MID1: variants seen among roughly 807,000 people sequenced by gnomAD.
The protein encoded by MID1 is E3 ubiquitin-protein ligase Midline-1.
In MID1, 7 loss-of-function variants were observed where a neutral mutation model predicts 40.4. That is an observed-to-expected ratio of 0.17 (90% CI 0.10 to 0.33). The LOEUF (loss-of-function observed/expected upper bound fraction) is 0.33. Among genes scored for constraint, MID1 ranks in the 10% least tolerant of loss-of-function variants. The pLI is 1.00. For synonymous variants in MID1, 229 were observed against 221.2 expected (o/e 1.04, Z -0.31); for missense variants, 367 against 558.5 (o/e 0.66, Z 3.46).
intron 1 of MID1, among the ~76,000 whole-genome samples, chrX:10,730,465 T>C (rs1366214782): frequency 9.0e-6 from 1 of 111,546 alleles, no homozygotes; most frequent in East Asian, 2.8e-4. Context: ...TTTGGATATA[T>C]TGTGTAGTGG....
rs1293660207 is a variant in MID1 at position 10,468,212 on chromosome X, T to C, written c.1285+1485A>G. The stretch of plus-strand genomic sequence containing the variant: ...CTTCCACGGCAGGCCAATTATAGGG[T>C]AGAAGGTGAGGGAGTTGAGGAGAGG... On this transcript the variant is annotated intron_variant, in intron 7 of 9. Coordinates refer to ENST00000317552, the MANE Select transcript of MID1 (RefSeq NM_000381.4). Among the ~76,000 whole-genome samples the C allele has an allele frequency of 2.7e-5, 3 of 111,332 alleles. No individual in the cohort carries two copies. The Admixed American group carries it at 2.9e-4, about 11-fold the overall frequency.
intron 3 of MID1, chrX:10,506,500 G>A (rs1197890114): frequency 3.8e-6 from 2 of 524,361 alleles, no homozygotes; most frequent in Non-Finnish European, 3.4e-6. Flanking sequence ...TAGGGAAGAA[G>A]CAGAGTATTT....
intron 1 of MID1, among the ~76,000 whole-genome samples, chrX:10,741,693 G>A (rs896411081): frequency 9.1e-6 from 1 of 109,614 alleles, no homozygotes; most frequent in African/African-American, 3.3e-5. Flanking sequence ...TGTTGGGGAC[G>A]GGGAAACATT....
rs727504015 is a variant in MID1 at position 10,567,449 on chromosome X, G to A, written c.99C>T (p.Cys33=). 130 of 1,209,634 alleles carry A rather than the reference G, an allele frequency of 1.1e-4. No individual in the cohort carries two copies. The highest frequency in any genetic ancestry group is 2.3e-4 in the Middle Eastern group (1 of 4,375). The change falls in exon 2 of 10, where the codon TGC becomes TGT. Residue 33 remains cysteine (C), a synonymous_variant. Coordinates refer to ENST00000317552, the MANE Select transcript of MID1 (RefSeq NM_000381.4). ...LPCAHSLCFN[C]AHRILVSHCA... Reference sequence around the variant, plus strand: ...AGTGTGATACTAGGATGCGGTGGGCGCAGTTGAAGCAGAGGCTGTGTGCGC... The same window carrying A: ...AGTGTGATACTAGGATGCGGTGGGCACAGTTGAAGCAGAGGCTGTGTGCGC...
At chrX:10,636,060 G>C (rs976535486) in intron 1 of MID1, among the ~76,000 whole-genome samples, 2 of 112,317 alleles carry the variant, frequency 1.8e-5, no homozygotes, top group African/African-American at 6.5e-5. Flanking sequence ...AGAGAGAAAG[G>C]AGAAAGGCAA....
intron 1 of MID1, among the ~76,000 whole-genome samples, chrX:10,767,756 T>G (rs1043166700): frequency 8.9e-6 from 1 of 112,292 alleles, no homozygotes; most frequent in Non-Finnish European, 1.9e-5. Flanking sequence ...TATGAATATT[T>G]AAAACATTTA....
chrX:10,596,166 T>G (rs978506244), intron 1 of MID1, among the ~76,000 whole-genome samples: 3 of 112,018 alleles, frequency 2.7e-5, no homozygotes, highest in Non-Finnish European at 5.6e-5. Flanking sequence ...CAGGAGCTAT[T>G]CAGAAATTTC....
chrX:10,475,840 C>T (rs1422179730), intron 5 of MID1, among the ~76,000 whole-genome samples: 1 of 111,786 alleles, frequency 8.9e-6, no homozygotes, highest in East Asian at 2.8e-4. Flanking sequence ...TAGCTGGCAG[C>T]AGCAAGGAGG....
intron 1 of MID1, among the ~76,000 whole-genome samples, chrX:10,745,694 G>A (rs978166061): frequency 3.6e-5 from 4 of 112,488 alleles, no homozygotes; most frequent in African/African-American, 1.3e-4. Context: ...TGGTAAAAAT[G>A]GAGTTTTCCA....
intron 1 of MID1, among the ~76,000 whole-genome samples, chrX:10,734,860 C>T (rs1183499039): frequency 8.9e-6 from 1 of 111,923 alleles, no homozygotes; most frequent in Non-Finnish European, 1.9e-5. Flanking sequence ...CACTTAGGAT[C>T]TGTGCATTTC....
intron 7 of MID1, 151 bp from the exon 8 acceptor site, chrX:10,459,958 A>G: frequency 1.7e-6 from 1 of 591,221 alleles, no homozygotes; most frequent in Non-Finnish European, 2.8e-6. Context: ...TGACTTCACT[A>G]ACGTAGATGT....
At chrX:10,826,273 A>G (rs2044216391) in intron 1 of MID1, among the ~76,000 whole-genome samples, 1 of 111,165 alleles carries the variant, frequency 9.0e-6, no homozygotes, top group Non-Finnish European at 1.9e-5. Context: ...TCTCTAAAAT[A>G]GAAATGAAAT....
chrX:10,503,989 T>C (rs1208601781), intron 3 of MID1, among the ~76,000 whole-genome samples: 3 of 112,288 alleles, frequency 2.7e-5, no homozygotes, highest in African/African-American at 9.7e-5. Context: ...CTTCCAATAG[T>C]AGCATACAGA....
At chrX:10,684,480 T>G (rs1602515645) in intron 1 of MID1, among the ~76,000 whole-genome samples, 3 of 106,253 alleles carry the variant, frequency 2.8e-5, no homozygotes, top group African/African-American at 1.0e-4. Context: ...CTCCGCTCAC[T>G]GCAACCTCCA....
At chrX:10,550,732 T>C (rs1300738835) in intron 2 of MID1, among the ~76,000 whole-genome samples, 1 of 112,009 alleles carries the variant, frequency 8.9e-6, no homozygotes, top group Non-Finnish European at 1.9e-5. Flanking sequence ...TGGGGCTGGA[T>C]GACTATCTGT....
intron 7 of MID1, among the ~76,000 whole-genome samples, chrX:10,467,564 C>T (rs966950146): frequency 1.7e-4 from 19 of 111,824 alleles, no homozygotes; most frequent in Non-Finnish European, 3.2e-4. Context: ...TGAATTACTA[C>T]GAAACTTCCC....
intron 1 of MID1, among the ~76,000 whole-genome samples, chrX:10,628,446 ATAT>A (rs1340835446): frequency 2.7e-5 from 3 of 112,105 alleles, no homozygotes; most frequent in African/African-American, 9.7e-5. Context: ...ATGCTATTTA[ATAT>A]TATTTTAATG....
chrX:10,596,758 G>A (rs900568863), intron 1 of MID1, among the ~76,000 whole-genome samples: 1 of 112,090 alleles, frequency 8.9e-6, no homozygotes, highest in Admixed American at 9.5e-5. Flanking sequence ...TAAACCTACA[G>A]TAACTCCTGA....
intron 2 of MID1, among the ~76,000 whole-genome samples, chrX:10,533,396 AAAG>A (rs1233385841): frequency 7.9e-3 from 256 of 32,596 alleles, no homozygotes; most frequent in Middle Eastern, 0.026. Flanking sequence ...GAAAGAAAAG[AAAG>A]AAAGAAAGAA....
Sources: allele counts gnomAD v4.1 joint callset (sites outside exome capture counted in the v4.1 genomes callset), GRCh38; gene constraint gnomAD v4.1.1; transcripts MANE v1.5; gene names NCBI Gene and HGNC (gene_info 2026-07-23, HGNC 2026-07-21).